The following USP3 variants were observed in gnomAD, a reference collection of about 807,000 sequenced individuals.
USP3 encodes ubiquitin carboxyl-terminal hydrolase 3.
A neutral mutation model predicts 72.3 loss-of-function variants in USP3; 20 were observed. The ratio of observed to expected loss-of-function variants is 0.28; its 90% CI spans 0.19 to 0.40. The LOEUF is 0.40. Among genes scored for constraint, USP3 ranks in the 10% least tolerant of loss-of-function variants. The pLI is 1.00. For missense variants in USP3, 479 were observed against 633.9 expected, an observed-to-expected ratio of 0.76 and a Z score of 2.62; for synonymous variants, 222 against 225.3, an observed-to-expected ratio of 0.99 and a Z score of 0.13.
Position 63,553,764 on chromosome 15 carries a change from C to G in USP3, c.334C>G (p.Gln112Glu). ...TAATGACACCAAGCTGGGACTGGTA[C>G]AGAAAGTCAGAGAACACTTACAGAA... ...VVNDTKLGLV[Q>E]KVREHLQNLE... The change falls in exon 4 of 15, where the codon CAG (glutamine) becomes GAG (glutamate). Residue 112 changes from glutamine to glutamate, a missense_variant. By Grantham distance (29) the Gln-to-Glu change is conservative. Coordinates refer to ENST00000380324, the MANE Select transcript of USP3 (RefSeq NM_006537.4). The surrounding 1 kb of genome is among the most constrained non-coding windows in gnomAD (Gnocchi z 4.2). 6.2e-7 allele frequency: 1 copy of G among 1,612,826 alleles called. No homozygotes were observed. The highest frequency in any genetic ancestry group is 2.2e-5 in the East Asian group (1 of 44,762).
At position 63,586,324 on chromosome 15, in the gene USP3, T is replaced by G. The variant is rs182417947; in HGVS notation, c.1097-1981T>G. Reference sequence around the variant, plus strand: ...TCACTGTGGGTTTTCATATATGGCCTTTGTCATGTTGAAGTTCTCCTTTTT... The same window carrying G: ...TCACTGTGGGTTTTCATATATGGCCGTTGTCATGTTGAAGTTCTCCTTTTT... On this transcript the variant is annotated intron_variant, in intron 11 of 14. Transcript: ENST00000380324. Among the ~76,000 whole-genome samples the G allele has an allele frequency of 2.9e-4, 44 of 152,336 alleles. 1 individual carries two copies. The East Asian group carries it at 4.2e-3, about 15-fold the overall frequency.
chr15:63,522,674 A>G (rs1338986828), intron 1 of USP3, among the ~76,000 whole-genome samples: 1 of 148,396 alleles, frequency 6.7e-6, no homozygotes, highest in African/African-American at 2.4e-5. Context: ...CTTTGCTAAA[A>G]CAAAGTTAGA....
At chr15:63,516,374 T>G (rs2065850557) in intron 1 of USP3, among the ~76,000 whole-genome samples, 1 of 152,230 alleles carries the variant, frequency 6.6e-6, no homozygotes. Context: ...TCTTATAATA[T>G]TAGATCCCTT....
chr15:63,559,854 T>A lies in USP3; in HGVS notation c.534-3T>A, dbSNP rs754928291. 1 of 1,609,980 alleles carries A rather than the reference T, an allele frequency of 6.2e-7. No individual in the cohort carries two copies. Among genetic ancestry groups the A allele is most frequent in the Non-Finnish European group, 8.5e-7 (1 of 1,178,250 alleles). On this transcript the variant is annotated splice_polypyrimidine_tract_variant and splice_region_variant and intron_variant, in intron 6 of 14. Transcript: ENST00000380324. The stretch of plus-strand genomic sequence containing the variant: ...AAATATTTTTCCCTTCCTTTTAAAA[T>A]AGTAACATTGAGCAGTTTTGCTGTT...
intron 11 of USP3, among the ~76,000 whole-genome samples, chr15:63,578,388 A>C (rs1204249467): frequency 6.6e-6 from 1 of 151,820 alleles, no homozygotes; most frequent in Non-Finnish European, 1.5e-5. Flanking sequence ...GTGGATCACG[A>C]GGTCAGGAGA....
intron 8 of USP3, among the ~76,000 whole-genome samples, chr15:63,569,508 T>A (rs1490478237): frequency 6.6e-6 from 1 of 152,194 alleles, no homozygotes; most frequent in Non-Finnish European, 1.5e-5. Flanking sequence ...GGAAGAGTAG[T>A]GGGAGTTTTG....
intron 5 of USP3, among the ~76,000 whole-genome samples, chr15:63,557,263 T>G: frequency 6.7e-6 from 1 of 150,232 alleles, no homozygotes; most frequent in Admixed American, 6.6e-5. Context: ...TTTGTTTTTG[T>G]TTTTGTTTTT....
At chr15:63,512,947 A>G (rs2065809838) in intron 1 of USP3, among the ~76,000 whole-genome samples, 1 of 152,218 alleles carries the variant, frequency 6.6e-6, no homozygotes, top group African/African-American at 2.4e-5. Flanking sequence ...TAGCTAATAT[A>G]ATTTTATAAG....
chr15:63,563,476 G>C (rs1228310791), intron 8 of USP3, among the ~76,000 whole-genome samples: 1 of 152,240 alleles, frequency 6.6e-6, no homozygotes, highest in Non-Finnish European at 1.5e-5. Flanking sequence ...CTCTCCAGAA[G>C]GCAGCTGTGC....
intron 7 of USP3, among the ~76,000 whole-genome samples, chr15:63,561,543 C>A (rs967597198): frequency 1.3e-5 from 2 of 152,238 alleles, no homozygotes; most frequent in Non-Finnish European, 2.9e-5. Flanking sequence ...CTGCCCTGCA[C>A]TCCGGATGGT....
At chr15:63,521,669 G>T (rs2065922459) in intron 1 of USP3, among the ~76,000 whole-genome samples, 1 of 152,176 alleles carries the variant, frequency 6.6e-6, no homozygotes, top group Admixed American at 6.5e-5. Context: ...ACACTCATCA[G>T]TGCTTTTCTG....
intron 11 of USP3, among the ~76,000 whole-genome samples, chr15:63,581,646 C>T (rs7174587): frequency 0.034 from 5,048 of 149,760 alleles, 288 homozygotes; most frequent in African/African-American, 0.12. Flanking sequence ...CCACCTGCCT[C>T]GGCCTCCCAA....
chr15:63,588,232 G>T lies in USP3; in HGVS notation c.1097-73G>T. The T allele has an allele frequency of 8.7e-7, 1 of 1,154,198 alleles. No individual in the cohort carries two copies. Among genetic ancestry groups the T allele is most frequent in the Non-Finnish European group, 1.2e-6 (1 of 817,660 alleles). The allele number at this position is 1,154,198 out of a possible 1,614,324, so 71.5% of individuals were successfully genotyped here. ...TAATAAAGCTGAGATTTTAAACCTG[G>T]GTCTTTTTTCTACAGTACATTGCCT... On this transcript the variant is annotated intron_variant, in intron 11 of 14. Transcript: ENST00000380324. This position sits in a 1 kb window ranked among gnomAD's most constrained non-coding sequence, Gnocchi z 4.6.
chr15:63,504,681 C>G lies in USP3; in HGVS notation c.-59C>G, dbSNP rs2065683707. 6.9e-7 allele frequency: 1 copy of G among 1,447,316 alleles called. No individual in the cohort carries two copies. Among genetic ancestry groups the G allele is most frequent in the Non-Finnish European group, 9.3e-7 (1 of 1,075,076 alleles). 89.7% of individuals were successfully genotyped at this position (1,447,316 alleles called of 1,614,324 possible). A position where few individuals can be genotyped will look rare whatever the true frequency, so the allele number is the denominator to read the frequency against. On this transcript the variant is annotated 5_prime_UTR_variant, in exon 1 of 15. Coordinates refer to ENST00000380324, the MANE Select transcript of USP3 (RefSeq NM_006537.4). ...ACCAGACGGAGCCTCCGGAGTTCCT[C>G]CGCCCCCACCTCGCCGGGTCCTGGA...
At chr15:63,578,010 G>A (rs541560126) in intron 11 of USP3, among the ~76,000 whole-genome samples, 2 of 151,894 alleles carry the variant, frequency 1.3e-5, no homozygotes, top group African/African-American at 4.8e-5. Flanking sequence ...AAAGGGGTGG[G>A]TGCAGTGTAG....
chr15:63,589,876 C>A (rs939675940), intron 14 of USP3, among the ~76,000 whole-genome samples: 17 of 148,330 alleles, frequency 1.1e-4, no homozygotes, highest in African/African-American at 4.5e-4. Flanking sequence ...AGATAAGCTC[C>A]TCCATAAAAT....
At chr15:63,521,661 A>G (rs1414946279) in intron 1 of USP3, among the ~76,000 whole-genome samples, 1 of 152,040 alleles carries the variant, frequency 6.6e-6, no homozygotes, top group African/African-American at 2.4e-5. Flanking sequence ...CCTTGTACAC[A>G]CTCATCAGTG....
intron 8 of USP3, among the ~76,000 whole-genome samples, chr15:63,567,962 TC>T (rs921354687): frequency 1.3e-5 from 2 of 152,144 alleles, no homozygotes; most frequent in Non-Finnish European, 2.9e-5. Flanking sequence ...GTGTGCTCTC[TC>T]CCCCAGTGAT....
intron 1 of USP3, among the ~76,000 whole-genome samples, chr15:63,505,258 A>T (rs1242748843): frequency 1.3e-5 from 2 of 152,032 alleles, no homozygotes; most frequent in African/African-American, 4.8e-5. Flanking sequence ...GCTTCTCCGC[A>T]GACAGGGCGG....
Sources: allele counts gnomAD v4.1 joint callset (sites outside exome capture counted in the v4.1 genomes callset), GRCh38; gene constraint gnomAD v4.1.1; non-coding constraint Gnocchi (gnomAD v3.1); transcripts MANE v1.5; gene names NCBI Gene and HGNC (gene_info 2026-07-23, HGNC 2026-07-21).